Variants in KIAA1217 observed in about 807,000 individuals in gnomAD.
The protein encoded by KIAA1217 is sickle tail protein homolog.
In KIAA1217, 88 loss-of-function variants were observed where a neutral mutation model predicts 163.9. That is an observed-to-expected ratio of 0.54 (90% CI 0.45 to 0.64). The LOEUF (loss-of-function observed/expected upper bound fraction) is 0.64. Among genes scored for constraint, KIAA1217 ranks in the 30% least tolerant of loss-of-function variants. The probability of loss-of-function intolerance (pLI) is 0.00; values close to 1 mark genes in which losing one functional copy is unlikely to be tolerated. For synonymous variants in KIAA1217, 903 were observed against 923.1 expected, an observed-to-expected ratio of 0.98 and a Z score of 0.39; for missense variants, 2,372 against 2,475.0, an observed-to-expected ratio of 0.96 and a Z score of 0.88.
intron 2 of KIAA1217, among the ~76,000 whole-genome samples, chr10:24,125,675 T>A (rs2063448959): frequency 6.6e-6 from 1 of 152,134 alleles, no homozygotes; most frequent in Non-Finnish European, 1.5e-5. Flanking sequence ...ATACTAATAG[T>A]CATTTCTGGT....
chr10:23,749,411 A>G (rs1040280667), intron 1 of KIAA1217, among the ~76,000 whole-genome samples: 5 of 151,340 alleles, frequency 3.3e-5, no homozygotes, highest in Non-Finnish European at 7.4e-5. Context: ...CTTAATGTTT[A>G]GTCTTTTGCT....
intron 1 of KIAA1217, among the ~76,000 whole-genome samples, chr10:23,890,831 C>T (rs939481706): frequency 2.2e-4 from 34 of 152,004 alleles, no homozygotes; most frequent in Non-Finnish European, 1.8e-4. Flanking sequence ...CTGCTAACTA[C>T]TAACAGAGCA....
At chr10:24,511,152 CAAAAAAA>C (rs58529942) in intron 9 of KIAA1217, among the ~76,000 whole-genome samples, 1 of 34,512 alleles carries the variant, frequency 2.9e-5, no homozygotes, top group Non-Finnish European at 4.3e-5. Flanking sequence ...GACTCTGTCT[CAAAAAAA>C]AAAAAAAAAA....
intron 1 of KIAA1217, among the ~76,000 whole-genome samples, chr10:23,725,146 T>C (rs1371455041): frequency 6.6e-6 from 1 of 152,254 alleles, no homozygotes; most frequent in Non-Finnish European, 1.5e-5. Context: ...TTTCTTCCCT[T>C]CTAAACCACA....
At position 24,473,585 on chromosome 10, in the gene KIAA1217, G is replaced by A. The variant is rs543703510; in HGVS notation, c.1204G>A (p.Gly402Arg). 1 of 1,614,092 alleles carries A rather than the reference G, an allele frequency of 6.2e-7. No homozygotes were observed. Among genetic ancestry groups the A allele is most frequent in the South Asian group, 1.1e-5 (1 of 91,078 alleles). ...FYADPYLYHE[G>R]RMSIASSHGG... ...TGCTGATCCTTACCTTTATCACGAGGGACGGATGAGCATAGCCTCATCCCA... is the reference window on the plus strand; with the variant it reads ...TGCTGATCCTTACCTTTATCACGAGAGACGGATGAGCATAGCCTCATCCCA... The change falls in exon 6 of 21, where the codon GGA (glycine) becomes AGA (arginine). Residue 402 changes from glycine (G) to arginine (R), a missense_variant. Gly to Arg is a moderately radical substitution (Grantham distance 125). Around this residue, in one of 3 missense-constraint regions of KIAA1217, gnomAD observed 1,431 missense variants for 1,470.3 expected, o/e 0.97. Transcript: ENST00000376454.
intron 2 of KIAA1217, among the ~76,000 whole-genome samples, chr10:24,372,769 T>C (rs1280581748): frequency 6.6e-6 from 1 of 152,204 alleles, no homozygotes; most frequent in Non-Finnish European, 1.5e-5. Context: ...TAAAACACCT[T>C]TATTATGATT....
chr10:24,136,335 G>A (rs1377423496), intron 2 of KIAA1217, among the ~76,000 whole-genome samples: 1 of 152,184 alleles, frequency 6.6e-6, no homozygotes, highest in African/African-American at 2.4e-5. Flanking sequence ...GATTTCTAAA[G>A]AGGAAGGGGA....
intron 2 of KIAA1217, among the ~76,000 whole-genome samples, chr10:24,258,147 T>C (rs2075355620): frequency 6.7e-6 from 1 of 148,344 alleles, no homozygotes; most frequent in Non-Finnish European, 1.5e-5. Context: ...TATCATTGCA[T>C]TCCAGCCTGG....
At chr10:23,996,831 G>T (rs1294195303) in intron 1 of KIAA1217, among the ~76,000 whole-genome samples, 1 of 152,068 alleles carries the variant, frequency 6.6e-6, no homozygotes. Flanking sequence ...AATGAAGAGA[G>T]ATGCTAGTTT....
At position 23,790,551 on chromosome 10, in the gene KIAA1217, A is replaced by T. The variant is rs773799734; in HGVS notation, c.-321+95317A>T. The stretch of plus-strand genomic sequence containing the variant: ...TATATACATATACATGTGCATATAT[A>T]CATATGTACATATGTATATATACAT... On this transcript the variant is annotated intron_variant, in intron 1 of 18. Coordinates refer to the KIAA1217 transcript ENST00000376462. 4.5e-4 allele frequency among the ~76,000 whole-genome samples: 39 copies of T among 87,584 alleles called. 8 individuals are homozygous for T. The highest frequency in any genetic ancestry group is 7.5e-4 in the Non-Finnish European group (33 of 44,068). 57.5% of individuals were successfully genotyped at this position (87,584 alleles called of 152,430 possible).
chr10:24,249,395 T>C (rs2074223118), intron 2 of KIAA1217, among the ~76,000 whole-genome samples: 1 of 152,194 alleles, frequency 6.6e-6, no homozygotes, highest in Admixed American at 6.5e-5. Context: ...AGCTATAATT[T>C]ACGCAATTTT....
chr10:24,095,940 G>A (rs542450938), intron 2 of KIAA1217, among the ~76,000 whole-genome samples: 4 of 152,180 alleles, frequency 2.6e-5, no homozygotes, highest in Admixed American at 2.0e-4. Context: ...ACCTGTCTCC[G>A]AAAAACAAAA....
At chr10:23,814,112 C>T (rs1250282269) in intron 1 of KIAA1217, among the ~76,000 whole-genome samples, 1 of 151,994 alleles carries the variant, frequency 6.6e-6, no homozygotes, top group Non-Finnish European at 1.5e-5. Flanking sequence ...TAAAAGGAGC[C>T]CCCAAAAAAT....
Position 24,032,351 on chromosome 10 carries a change from C to CCAAA in KIAA1217, c.-171+24977_-171+24978insCAAA, listed in dbSNP as rs1564622987. Among the ~76,000 whole-genome samples the CCAAA allele has an allele frequency of 4.2e-3, 642 of 152,210 alleles. 4 individuals are homozygous for CCAAA. Among genetic ancestry groups the CCAAA allele is most frequent in the African/African-American group, 0.015 (608 of 41,552 alleles). On this transcript the variant is annotated intron_variant, in intron 2 of 18. Transcript: ENST00000376462. ...CATGGCCCACTGCAACCTCGGCCTC[C>CCAAA]TAGGTGCAAGCATTCTTCCCACCTC...
chr10:23,753,801 T>A (rs932428405), intron 1 of KIAA1217, among the ~76,000 whole-genome samples: 1 of 152,162 alleles, frequency 6.6e-6, no homozygotes, highest in Non-Finnish European at 1.5e-5. Context: ...AACCATCACG[T>A]CTCCTGTGAT....
chr10:24,387,074 A>T (rs2054111734), intron 3 of KIAA1217, among the ~76,000 whole-genome samples: 1 of 152,158 alleles, frequency 6.6e-6, no homozygotes, highest in Non-Finnish European at 1.5e-5. Flanking sequence ...AGCATAGAAA[A>T]TGTCAGAGCA....
At chr10:24,099,156 T>C (rs1490839998) in intron 2 of KIAA1217, among the ~76,000 whole-genome samples, 1 of 151,560 alleles carries the variant, frequency 6.6e-6, no homozygotes, top group Non-Finnish European at 1.5e-5. Context: ...TTTTTTTTTA[T>C]TTTTATTTTT....
intron 2 of KIAA1217, among the ~76,000 whole-genome samples, chr10:24,079,666 A>T (rs1390387895): frequency 6.6e-6 from 1 of 152,126 alleles, no homozygotes; most frequent in Non-Finnish European, 1.5e-5. Context: ...CATTTTCTGT[A>T]CCCAGAAAAT....
chr10:23,867,399 A>C (rs528817743), intron 1 of KIAA1217, among the ~76,000 whole-genome samples: 1 of 152,150 alleles, frequency 6.6e-6, no homozygotes, highest in South Asian at 2.1e-4. Flanking sequence ...TGGTATTTCT[A>C]GTTCTAGATC....
Sources: allele counts gnomAD v4.1 joint callset (sites outside exome capture counted in the v4.1 genomes callset), GRCh38; gene constraint gnomAD v4.1.1; regional missense constraint gnomAD v4.1.1; transcripts MANE v1.5; gene names NCBI Gene and HGNC (gene_info 2026-07-23, HGNC 2026-07-21).